The following PTPN12 variants were observed in gnomAD, a reference collection of about 807,000 sequenced individuals.
The protein encoded by PTPN12 is tyrosine-protein phosphatase non-receptor type 12.
In PTPN12, 29 loss-of-function variants were observed where a neutral mutation model predicts 97.6. The ratio of observed to expected loss-of-function variants is 0.30; its 90% CI spans 0.22 to 0.41. PTPN12 has a LOEUF of 0.41. Ranked by LOEUF, PTPN12 falls within the 10% of genes least tolerant of loss-of-function variation. The pLI is 1.00. For missense variants in PTPN12, 819 were observed against 926.0 expected, an observed-to-expected ratio of 0.88 and a Z score of 1.50; for synonymous variants, 327 against 300.4, an observed-to-expected ratio of 1.09 and a Z score of -0.91.
chr7:77,557,998 C>T (rs1347701017), intron 1 of PTPN12, among the ~76,000 whole-genome samples: 1 of 151,744 alleles, frequency 6.6e-6, no homozygotes, highest in African/African-American at 2.4e-5. Context: ...ATCACGTGAG[C>T]TCAGAAGTTC....
At chr7:77,609,273 CTTT>C (rs34358650) in intron 9 of PTPN12, among the ~76,000 whole-genome samples, 4 of 126,902 alleles carry the variant, frequency 3.2e-5, no homozygotes, top group Admixed American at 1.7e-4. Flanking sequence ...CTCTCTCTCT[CTTT>C]TTTTTTTTTT....
chr7:77,606,667 A>G (rs1234738896), intron 8 of PTPN12, among the ~76,000 whole-genome samples: 10 of 152,260 alleles, frequency 6.6e-5, no homozygotes, highest in Non-Finnish European at 1.5e-4. Context: ...ATCAAATGGA[A>G]AATTTCAGAA....
intron 2 of PTPN12, 92 bp from the exon 3 acceptor site, chr7:77,581,335 T>A: frequency 2.8e-6 from 2 of 702,838 alleles, no homozygotes; most frequent in South Asian, 4.5e-5. Context: ...TTAAAATAAA[T>A]GTTCTTAAGC....
intron 1 of PTPN12, among the ~76,000 whole-genome samples, chr7:77,556,391 G>A (rs1380747565): frequency 6.6e-6 from 1 of 151,632 alleles, no homozygotes; most frequent in Non-Finnish European, 1.5e-5. Flanking sequence ...GCTTGTTTAT[G>A]GATTTTGAAC....
intron 9 of PTPN12, among the ~76,000 whole-genome samples, chr7:77,607,938 A>T (rs1306620722): frequency 2.0e-5 from 3 of 152,048 alleles, no homozygotes; most frequent in Non-Finnish European, 4.4e-5. Flanking sequence ...TATTTTTGGT[A>T]CAGACAGGGT....
chr7:77,549,936 G>C (rs997531212), intron 1 of PTPN12, among the ~76,000 whole-genome samples: 2 of 152,136 alleles, frequency 1.3e-5, no homozygotes. Flanking sequence ...TCATATGTCA[G>C]AAATATATCA....
Position 77,635,849 on chromosome 7 carries a change from A to T in PTPN12, c.2142A>T (p.Glu714Asp). The T allele has an allele frequency of 6.3e-7, 1 of 1,598,808 alleles. No homozygotes were observed. Among genetic ancestry groups the T allele is most frequent in the Non-Finnish European group, 8.5e-7 (1 of 1,171,666 alleles). ...AACGATCTGAACAAAAAAAGTCTGAAGTAAGTCCTTTTGGAATTGGAACAG... is the reference window on the plus strand; with the variant it reads ...AACGATCTGAACAAAAAAAGTCTGATGTAAGTCCTTTTGGAATTGGAACAG... ...SQERSEQKKS[E>D]GLITSENEKC... Residue 714 changes from glutamate to aspartate, a missense_variant and splice_region_variant, in exon 15 of 18, where the codon GAA becomes GAT. By Grantham distance (45) the Glu-to-Asp change is conservative. Coordinates refer to ENST00000248594, the MANE Select transcript of PTPN12 (RefSeq NM_002835.4).
At chr7:77,613,206 G>T (rs1312656169) in intron 11 of PTPN12, among the ~76,000 whole-genome samples, 7 of 105,998 alleles carry the variant, frequency 6.6e-5, no homozygotes, top group African/African-American at 2.7e-4. Context: ...ATGGAGTCTC[G>T]CTCTGTTGCC....
At chr7:77,547,584 GAAC>G (rs1159474116) in intron 1 of PTPN12, among the ~76,000 whole-genome samples, 1 of 152,080 alleles carries the variant, frequency 6.6e-6, no homozygotes, top group African/African-American at 2.4e-5. Context: ...TACCTGGAAA[GAAC>G]AAGATAATAT....
chr7:77,561,486 G>C (rs1020603191), intron 1 of PTPN12, among the ~76,000 whole-genome samples: 1 of 152,096 alleles, frequency 6.6e-6, no homozygotes, highest in Admixed American at 6.5e-5. Context: ...TAGAAAGTTT[G>C]GTCAGCTGAC....
Position 77,542,959 on chromosome 7 carries a change from G to C in PTPN12, c.99+5314G>C, listed in dbSNP as rs377725658. On this transcript the variant is annotated intron_variant, in intron 1 of 17. Coordinates refer to ENST00000248594, the MANE Select transcript of PTPN12 (RefSeq NM_002835.4). ...TTCCAACAAACTTATAGAGTGACCA[G>C]CTTTAGGTTGAAGAACATCAGTCTT... 8.7e-4 allele frequency among the ~76,000 whole-genome samples: 132 copies of C among 152,220 alleles called. 6 individuals are homozygous for C. In the South Asian group the frequency reaches 0.027, roughly 31 times the overall value.
intron 2 of PTPN12, among the ~76,000 whole-genome samples, chr7:77,579,945 C>G (rs958400966): frequency 1.3e-5 from 2 of 152,184 alleles, no homozygotes; most frequent in African/African-American, 2.4e-5. Flanking sequence ...CCCAGTCACC[C>G]TTATTACATA....
chr7:77,623,328 A>G (rs1789012977), intron 12 of PTPN12, among the ~76,000 whole-genome samples: 1 of 152,330 alleles, frequency 6.6e-6, no homozygotes, highest in South Asian at 2.1e-4. Context: ...TGTTGTTCAG[A>G]TGTTAACTCA....
chr7:77,557,980 G>A (rs757852186), intron 1 of PTPN12, among the ~76,000 whole-genome samples: 34 of 152,242 alleles, frequency 2.2e-4, no homozygotes, highest in Middle Eastern at 6.8e-3. Context: ...GGAGGCTGAG[G>A]CGGGCAGATC....
At chr7:77,618,401 C>T (rs1788823749) in intron 11 of PTPN12, 79 bp from the exon 12 acceptor site, 2 of 946,230 alleles carry the variant, frequency 2.1e-6, no homozygotes, top group Non-Finnish European at 3.1e-6. Flanking sequence ...TTGAAAAGCA[C>T]AGAAACAATT....
At chr7:77,564,820 C>T (rs565934929) in intron 1 of PTPN12, among the ~76,000 whole-genome samples, 81 of 120,422 alleles carry the variant, frequency 6.7e-4, no homozygotes, top group African/African-American at 1.0e-3. Flanking sequence ...TGCAGTGGCA[C>T]GATCTCAGCT....
In PTPN12 at chr7:77,627,098, T is replaced by C; in HGVS notation, c.1419T>C (p.Asp473=). The C allele has an allele frequency of 6.2e-7, 1 of 1,614,186 alleles. No homozygotes were observed. The highest frequency in any genetic ancestry group is 1.3e-5 in the African/African-American group (1 of 75,050). ...AATCTGCTTCACCTTGTATAGCTGA[T>C]AAAATCTCTAAGCCACAGGAATTAA... ...KIKSASPCIA[D]KISKPQELSS... Residue 473 remains aspartate, a synonymous_variant, in exon 13 of 18, where the codon GAT becomes GAC. Transcript: ENST00000248594.
chr7:77,591,056 A>G (rs939438879), intron 5 of PTPN12, among the ~76,000 whole-genome samples: 5 of 152,112 alleles, frequency 3.3e-5, no homozygotes, highest in African/African-American at 1.2e-4. Flanking sequence ...AGAGAATTTA[A>G]TTTAATCATT....
rs1002140165 is a variant in PTPN12 at position 77,572,194 on chromosome 7, A to T, written c.208+1008A>T. ...ACTGCAACCTCTGCCTCCCAGGTTC[A>T]AGCGACTCTTGTACCTTAGCCTCCT... On this transcript the variant is annotated intron_variant, in intron 2 of 17. Transcript: ENST00000248594. 2.0e-5 allele frequency among the ~76,000 whole-genome samples: 3 copies of T among 151,722 alleles called. No individual in the cohort carries two copies. In the East Asian group the frequency reaches 5.8e-4, roughly 29 times the overall value.
Sources: gnomAD v4.1 joint callset for allele counts (sites outside exome capture counted in the v4.1 genomes callset) on GRCh38, gnomAD v4.1.1 for gene constraint, MANE v1.5 for transcripts, NCBI Gene and HGNC (gene_info 2026-07-23, HGNC 2026-07-21) for gene names.